DENND1B: variants seen among roughly 807,000 people sequenced by gnomAD.
The protein encoded by DENND1B is DENN domain-containing protein 1B.
DENND1B carries 59 observed loss-of-function variants against 90.1 expected under a neutral mutation model. That is an observed-to-expected ratio of 0.65 (90% CI 0.53 to 0.81). The LOEUF is 0.81. Among genes scored for constraint, DENND1B ranks in the 40% least tolerant of loss-of-function variants. The pLI is 0.00. For synonymous variants in DENND1B, 337 were observed against 324.6 expected (o/e 1.04, Z -0.41); for missense variants, 862 against 912.6 (o/e 0.94, Z 0.71).
chr1:197,539,367 C>A (rs1045397181), intron 20 of DENND1B, among the ~76,000 whole-genome samples: 1 of 151,904 alleles, frequency 6.6e-6, no homozygotes, highest in African/African-American at 2.4e-5. Context: ...ACTTAAGATA[C>A]AATTTTGTAT....
chr1:197,657,871 A>G (rs1167680950), intron 6 of DENND1B, among the ~76,000 whole-genome samples: 1 of 152,212 alleles, frequency 6.6e-6, no homozygotes, highest in African/African-American at 2.4e-5. Flanking sequence ...CATTGACAGA[A>G]GAATGAATGA....
At chr1:197,653,503 C>T (rs1271248848) in intron 6 of DENND1B, among the ~76,000 whole-genome samples, 3 of 151,980 alleles carry the variant, frequency 2.0e-5, no homozygotes, top group African/African-American at 7.2e-5. Flanking sequence ...GTAAGGATAA[C>T]TTGAACTGTA....
At chr1:197,642,617 G>A in intron 10 of DENND1B, 94 bp downstream of exon 10, 1 of 779,614 alleles carries the variant, frequency 1.3e-6, no homozygotes, top group Non-Finnish European at 2.1e-6. Context: ...TGTCTTATAA[G>A]TACACATAGC....
intron 2 of DENND1B, among the ~76,000 whole-genome samples, chr1:197,745,648 TA>T (rs1208291512): frequency 1.4e-5 from 2 of 143,886 alleles, no homozygotes; most frequent in Non-Finnish European, 3.0e-5. Flanking sequence ...ATAATATATA[TA>T]ATAATAATGA....
intron 2 of DENND1B, among the ~76,000 whole-genome samples, chr1:197,739,374 A>G (rs1214109697): frequency 6.6e-6 from 1 of 152,230 alleles, no homozygotes; most frequent in African/African-American, 2.4e-5. Context: ...ATACGAGAAG[A>G]AATCATATAA....
intron 9 of DENND1B, 83 bp from the exon 10 acceptor site, chr1:197,642,904 T>C: frequency 3.3e-6 from 3 of 899,186 alleles, no homozygotes; most frequent in Non-Finnish European, 5.2e-6. Context: ...CCAGAAAGTC[T>C]TGAAGTTCAA....
chr1:197,682,226 C>T (rs1281317870), intron 3 of DENND1B, among the ~76,000 whole-genome samples: 1 of 151,802 alleles, frequency 6.6e-6, no homozygotes, highest in Non-Finnish European at 1.5e-5. Flanking sequence ...TTATTTAAGC[C>T]TTGAATGTCC....
At chr1:197,536,019 G>A (rs754831448) in intron 20 of DENND1B, among the ~76,000 whole-genome samples, 1 of 151,452 alleles carries the variant, frequency 6.6e-6, no homozygotes, top group Non-Finnish European at 1.5e-5. Flanking sequence ...AGAAATGAAG[G>A]AACAGGGGAT....
At chr1:197,621,683 C>A (rs541500725) in intron 10 of DENND1B, among the ~76,000 whole-genome samples, 69 of 151,334 alleles carry the variant, frequency 4.6e-4, no homozygotes, top group African/African-American at 1.6e-3. Context: ...TTTCTAATAT[C>A]GTCAGTTGCT....
Position 197,509,077 on chromosome 1 carries a change from T to TC in DENND1B, c.*1382dup, listed in dbSNP as rs1198078221. On this transcript the variant is annotated 3_prime_UTR_variant, in exon 23 of 23. Transcript: ENST00000620048. Reference sequence around the variant, plus strand: ...CGCTACCTCAGCCAGGTTATCAAGGTCCCTGTCAGCATTCACAAATCATGT... The same window carrying TC: ...CGCTACCTCAGCCAGGTTATCAAGGTCCCCTGTCAGCATTCACAAATCATGT... 1 of 151,724 alleles carries TC rather than the reference T, an allele frequency of 6.6e-6. No individual in the cohort carries two copies. Among genetic ancestry groups the TC allele is most frequent in the Non-Finnish European group, 1.5e-5 (1 of 67,808 alleles). The allele number at this position is 151,724 out of a possible 1,614,324, so 9.4% of individuals were successfully genotyped here. A position where few individuals can be genotyped will look rare whatever the true frequency, so the allele number is the denominator to read the frequency against.
chr1:197,679,234 G>A (rs1456668098), intron 3 of DENND1B, among the ~76,000 whole-genome samples: 1 of 151,098 alleles, frequency 6.6e-6, no homozygotes, highest in Admixed American at 6.6e-5. Context: ...AATCACTTTA[G>A]TTTGATCCAA....
chr1:197,759,824 A>G (rs73077640), intron 2 of DENND1B, among the ~76,000 whole-genome samples: 3,495 of 151,790 alleles, frequency 0.023, 139 homozygotes, highest in African/African-American at 0.08. Flanking sequence ...CTTCCCCATA[A>G]ACTAGGCAAA....
At chr1:197,647,947 C>CAAAAA (rs5779884) in intron 7 of DENND1B, among the ~76,000 whole-genome samples, 1 of 78,658 alleles carries the variant, frequency 1.3e-5, no homozygotes. Flanking sequence ...AACTCCACTT[C>CAAAAA]AAAAAAAAAA....
At chr1:197,774,095 G>T (rs1656961538) in intron 1 of DENND1B, among the ~76,000 whole-genome samples, 1 of 152,006 alleles carries the variant, frequency 6.6e-6, no homozygotes, top group African/African-American at 2.4e-5. Flanking sequence ...AATAATCTGG[G>T]CTCAGATGAC....
intron 3 of DENND1B, among the ~76,000 whole-genome samples, chr1:197,704,864 A>C (rs1659374499): frequency 6.6e-6 from 1 of 152,160 alleles, no homozygotes; most frequent in African/African-American, 2.4e-5. Context: ...ATAAAGCTAA[A>C]AATTTAAGAG....
chr1:197,664,516 A>C (rs1050283125), intron 5 of DENND1B, among the ~76,000 whole-genome samples: 9 of 152,094 alleles, frequency 5.9e-5, no homozygotes, highest in Non-Finnish European at 1.3e-4. Context: ...TCATGAGTCC[A>C]TTTTGTGGTA....
At chr1:197,524,358 C>G (rs530160853) in intron 20 of DENND1B, among the ~76,000 whole-genome samples, 16 of 152,116 alleles carry the variant, frequency 1.1e-4, no homozygotes, top group African/African-American at 3.9e-4. Context: ...CACAATAACT[C>G]TATGGAAGTG....
intron 13 of DENND1B, among the ~76,000 whole-genome samples, chr1:197,596,062 C>T (rs1675657193): frequency 6.6e-6 from 1 of 151,982 alleles, no homozygotes; most frequent in South Asian, 2.1e-4. Flanking sequence ...GTTTTTTCCA[C>T]TACCACATGG....
intron 16 of DENND1B, among the ~76,000 whole-genome samples, chr1:197,550,374 T>C (rs537197312): frequency 6.6e-6 from 1 of 152,190 alleles, no homozygotes; most frequent in East Asian, 1.9e-4. Flanking sequence ...TGTGTGACCT[T>C]GAGTAAATTA....
Sources: allele counts gnomAD v4.1 joint callset (sites outside exome capture counted in the v4.1 genomes callset), GRCh38; gene constraint gnomAD v4.1.1; transcripts MANE v1.5; gene names NCBI Gene and HGNC (gene_info 2026-07-23, HGNC 2026-07-21).